Variants in EPB41L3 observed in about 807,000 individuals in gnomAD.
The protein encoded by EPB41L3 is erythrocyte membrane protein band 4.1 like 3.
EPB41L3 carries 57 observed loss-of-function variants against 127.1 expected under a neutral mutation model. The observed-to-expected ratio is 0.45, with a 90% confidence interval of 0.36 to 0.56. The LOEUF is 0.56. Ranked by LOEUF, EPB41L3 falls within the 20% of genes least tolerant of loss-of-function variation. The pLI is 0.00. For synonymous variants in EPB41L3, 572 were observed against 549.5 expected, an observed-to-expected ratio of 1.04 and a Z score of -0.57; for missense variants, 1,273 against 1,372.2, an observed-to-expected ratio of 0.93 and a Z score of 1.14.
intron 6 of EPB41L3, 78 bp downstream of exon 6, chr18:5,437,957 C>G (rs2080107797): frequency 1.6e-6 from 2 of 1,231,690 alleles, no homozygotes; most frequent in Admixed American, 4.6e-5. Flanking sequence ...CAGATGTAAG[C>G]ACGCTCTTTC....
chr18:5,606,913 T>TCTCG (rs1302280852), intron 3 of EPB41L3, among the ~76,000 whole-genome samples: 1 of 147,640 alleles, frequency 6.8e-6, no homozygotes, highest in African/African-American at 2.5e-5. Flanking sequence ...TCTCTCTCTC[T>TCTCG]CTGTCTCTCT....
chr18:5,572,238 C>T (rs777652839), intron 3 of EPB41L3, among the ~76,000 whole-genome samples: 2 of 152,182 alleles, frequency 1.3e-5, no homozygotes, highest in African/African-American at 2.4e-5. Flanking sequence ...CATATCTTCA[C>T]GTTCATGTTT....
At chr18:5,468,118 A>T (rs1568307856) in intron 3 of EPB41L3, among the ~76,000 whole-genome samples, 1 of 152,218 alleles carries the variant, frequency 6.6e-6, no homozygotes, top group Non-Finnish European at 1.5e-5. Flanking sequence ...CTGACACTCA[A>T]GTCCCCTGCT....
chr18:5,531,728 T>A (rs2093417296), intron 1 of EPB41L3, among the ~76,000 whole-genome samples: 1 of 75,230 alleles, frequency 1.3e-5, no homozygotes, highest in Non-Finnish European at 2.5e-5. Context: ...CAAGACCCTG[T>A]CTCAAAAAAA....
intron 3 of EPB41L3, among the ~76,000 whole-genome samples, chr18:5,462,692 C>T (rs1462470358): frequency 6.6e-6 from 1 of 152,172 alleles, no homozygotes; most frequent in Admixed American, 6.5e-5. Flanking sequence ...TAGTATCCCC[C>T]AGAGCTCTGT....
chr18:5,477,088 A>T (rs1366397939), intron 3 of EPB41L3, among the ~76,000 whole-genome samples: 5 of 152,230 alleles, frequency 3.3e-5, no homozygotes, highest in Admixed American at 6.5e-5. Context: ...TCCCCATCCT[A>T]AATGAATTCA....
chr18:5,478,141 C>T, intron 3 of EPB41L3, 100 bp downstream of exon 3: 1 of 1,024,688 alleles, frequency 9.8e-7, no homozygotes, highest in Non-Finnish European at 1.4e-6. Context: ...GAGTAATTTT[C>T]CAGAGTCCTA....
In EPB41L3 at chr18:5,430,235, G is replaced by A. The variant is rs1478339056; in HGVS notation, c.913-1770C>T. Among the ~76,000 whole-genome samples, 3 of 152,240 alleles carry A rather than the reference G, an allele frequency of 2.0e-5. No homozygotes were observed. In the East Asian group the frequency reaches 5.8e-4, roughly 29 times the overall value. ...CCTCTCTGTGTCCCCAAATCAAACTGTTATCTCTAGTACACCCTTAGCAAA... is the reference window on the plus strand; with the variant it reads ...CCTCTCTGTGTCCCCAAATCAAACTATTATCTCTAGTACACCCTTAGCAAA... On this transcript the variant is annotated intron_variant, in intron 8 of 22. Coordinates refer to ENST00000341928, the MANE Select transcript of EPB41L3 (RefSeq NM_012307.5).
intron 3 of EPB41L3, among the ~76,000 whole-genome samples, chr18:5,555,070 G>T (rs1324852544): frequency 6.6e-6 from 1 of 152,202 alleles, no homozygotes; most frequent in Non-Finnish European, 1.5e-5. Context: ...CACTAAAGAT[G>T]AGTGTTAGAT....
rs1220348951 is a variant in EPB41L3, at chr18:5,407,424, T to C, written c.2157+277A>G. On this transcript the variant is annotated intron_variant, in intron 15 of 22. Transcript: ENST00000341928. ...ACACACACAGACATGCACTGGTATA[T>C]ACCAATACCAACCTCTAACATAAGA... 73 of 525,282 alleles carry C rather than the reference T, an allele frequency of 1.4e-4. No individual in the cohort carries two copies. The East Asian group carries it at 2.2e-3, about 16-fold the overall frequency. 32.5% of individuals were successfully genotyped at this position (525,282 alleles called of 1,614,324 possible).
chr18:5,413,487 A>C (rs1056390669), intron 13 of EPB41L3, among the ~76,000 whole-genome samples: 2 of 152,254 alleles, frequency 1.3e-5, no homozygotes, highest in African/African-American at 4.8e-5. Flanking sequence ...ATATTTAAAA[A>C]GAATTAATTA....
upstream of EPB41L3, chr18:5,630,232 C>G (rs998667845): frequency 5.4e-6 from 2 of 372,800 alleles, no homozygotes; most frequent in Non-Finnish European, 1.0e-5. Context: ...AGGCAGCCCC[C>G]GGTCGGGCCA....
chr18:5,544,307 C>T (rs1482705839), upstream of EPB41L3: 1 of 985,320 alleles, frequency 1.0e-6, no homozygotes, highest in Non-Finnish European at 1.2e-6. Context: ...ATGGCCTGGC[C>T]TCTCCAGACC....
At chr18:5,405,820 CA>C (rs138889624) in intron 16 of EPB41L3, among the ~76,000 whole-genome samples, 15,265 of 146,600 alleles carry the variant, frequency 0.1, 1,111 homozygotes, top group African/African-American at 0.21. Context: ...AACTATGTCT[CA>C]AAAAAAAAAA....
Position 5,437,000 on chromosome 18 carries a change from A to G in EPB41L3, c.605+1035T>C, listed in dbSNP as rs1363241261. 2.6e-5 allele frequency among the ~76,000 whole-genome samples: 4 copies of G among 152,208 alleles called. No homozygotes were observed. In the East Asian group the frequency reaches 7.7e-4, roughly 29 times the overall value. On this transcript the variant is annotated intron_variant, in intron 6 of 22. Coordinates refer to ENST00000341928, the MANE Select transcript of EPB41L3 (RefSeq NM_012307.5). ...GCAAAGCTTACACAGAAAATTCTGC[A>G]TACACTGCACAAAATTGCTTTGACT...
At chr18:5,395,742 T>G (rs774862899) in intron 19 of EPB41L3, 35 bp from the exon 20 acceptor site, 1 of 1,508,782 alleles carries the variant, frequency 6.6e-7, no homozygotes, top group Non-Finnish European at 9.2e-7. Flanking sequence ...CTCATCCAGG[T>G]GCTCACATCT....
At chr18:5,582,182 A>C (rs1311315529) in intron 3 of EPB41L3, among the ~76,000 whole-genome samples, 1 of 151,874 alleles carries the variant, frequency 6.6e-6, no homozygotes, top group Non-Finnish European at 1.5e-5. Flanking sequence ...CTCAAATTGA[A>C]TCTCAAGGCA....
At chr18:5,478,969 TCAATG>T (rs2087825984) in intron 2 of EPB41L3, among the ~76,000 whole-genome samples, 2 of 152,320 alleles carry the variant, frequency 1.3e-5, no homozygotes, top group South Asian at 4.1e-4. Flanking sequence ...CTCAATCAAT[TCAATG>T]AAGTCAGCAG....
intron 1 of EPB41L3, among the ~76,000 whole-genome samples, chr18:5,615,546 G>A (rs371413479): frequency 4.6e-5 from 7 of 152,184 alleles, no homozygotes; most frequent in East Asian, 3.9e-4. Flanking sequence ...TAACATCACC[G>A]TACATTCGAA....
Sources: gnomAD v4.1 joint callset for allele counts (sites outside exome capture counted in the v4.1 genomes callset) on GRCh38, gnomAD v4.1.1 for gene constraint, MANE v1.5 for transcripts, NCBI Gene and HGNC (gene_info 2026-07-23, HGNC 2026-07-21) for gene names.